Variants in MGAT4C observed in about 807,000 individuals in gnomAD.
The protein encoded by MGAT4C is alpha-1,3-mannosyl-glycoprotein 4-beta-N-acetylglucosaminyltransferase C.
A neutral mutation model predicts 40.1 loss-of-function variants in MGAT4C; 19 were observed. The observed-to-expected ratio is 0.47, with a 90% CI of 0.33 to 0.70. MGAT4C has a LOEUF of 0.70. MGAT4C is among the 30% of genes least tolerant of loss of function. The pLI is 0.02. For synonymous variants in MGAT4C, 181 were observed against 187.1 expected (o/e 0.97, Z 0.27); for missense variants, 491 against 563.2 (o/e 0.87, Z 1.30).
intron 2 of MGAT4C, among the ~76,000 whole-genome samples, chr12:86,640,234 T>C (rs1474312265): frequency 6.6e-6 from 1 of 151,798 alleles, no homozygotes; most frequent in Non-Finnish European, 1.5e-5. Context: ...CTAGGAGGAC[T>C]GTTTTGAATA....
chr12:86,155,097 T>C (rs1040245185), intron 1 of MGAT4C, among the ~76,000 whole-genome samples: 7 of 152,174 alleles, frequency 4.6e-5, no homozygotes, highest in Admixed American at 2.6e-4. Flanking sequence ...TGATCCTGGA[T>C]GTGAGAATTA....
chr12:86,553,637 G>A (rs1959469289), intron 2 of MGAT4C, among the ~76,000 whole-genome samples: 1 of 152,054 alleles, frequency 6.6e-6, no homozygotes, highest in South Asian at 2.1e-4. Context: ...TCTTCCTGAT[G>A]ACACCAGTTT....
chr12:86,272,903 C>CAG (rs1415869493), intron 4 of MGAT4C, among the ~76,000 whole-genome samples: 1 of 152,102 alleles, frequency 6.6e-6, no homozygotes, highest in African/African-American at 2.4e-5. Flanking sequence ...ATTCATTGTA[C>CAG]AGATGGCGGA....
chr12:86,463,151 A>T (rs1167417154), intron 2 of MGAT4C, among the ~76,000 whole-genome samples: 1 of 152,128 alleles, frequency 6.6e-6, no homozygotes, highest in African/African-American at 2.4e-5. Flanking sequence ...GTAGGGATGG[A>T]TAGCTGAGAA....
At chr12:86,774,311 C>CTTTCTTTCTTTCTTTCTTTCTT (rs1951698780) in intron 1 of MGAT4C, among the ~76,000 whole-genome samples, 1 of 40,088 alleles carries the variant, frequency 2.5e-5, no homozygotes, top group Non-Finnish European at 6.5e-5. Context: ...TTCTTTCTTT[C>CTTTCTTTCTTTCTTTCTTTCTT]TTTCTTTCTT....
At chr12:86,496,180 T>C (rs1958231178) in intron 2 of MGAT4C, among the ~76,000 whole-genome samples, 1 of 151,992 alleles carries the variant, frequency 6.6e-6, no homozygotes, top group Admixed American at 6.6e-5. Flanking sequence ...ATGGGACCTA[T>C]AGAGTGATAA....
chr12:86,724,855 C>G (rs1057144054), intron 2 of MGAT4C, among the ~76,000 whole-genome samples: 1 of 152,204 alleles, frequency 6.6e-6, no homozygotes, highest in Non-Finnish European at 1.5e-5. Context: ...TAGTAACCAC[C>G]ATTCTACTCT....
At chr12:86,201,812 T>A (rs960601781) in intron 1 of MGAT4C, among the ~76,000 whole-genome samples, 1 of 152,076 alleles carries the variant, frequency 6.6e-6, no homozygotes, top group African/African-American at 2.4e-5. Context: ...CCATAGACCT[T>A]CTTTACCATT....
chr12:86,377,603 A>G (rs1219877874), intron 3 of MGAT4C, among the ~76,000 whole-genome samples: 2 of 152,202 alleles, frequency 1.3e-5, no homozygotes. Flanking sequence ...ACACTTAAGA[A>G]TATACTTAGA....
rs2136574828 is a variant in MGAT4C at position 86,678,462 on chromosome 12, G to A, written c.-229+48747C>T. On this transcript the variant is annotated intron_variant, in intron 2 of 7. Coordinates refer to the MGAT4C transcript ENST00000548651. ...TTATTATTATACTTTAAGTTTTAGG[G>A]TACATGTGCACAATGTGCAGGTTAG... Among the ~76,000 whole-genome samples the A allele has an allele frequency of 1.3e-5, 2 of 150,666 alleles. 1 individual carries two copies. The highest frequency in any genetic ancestry group is 6.8e-3 in the Middle Eastern group (2 of 294).
At chr12:86,735,146 G>A (rs1235075275) in intron 1 of MGAT4C, among the ~76,000 whole-genome samples, 1 of 151,912 alleles carries the variant, frequency 6.6e-6, no homozygotes, top group African/African-American at 2.4e-5. Flanking sequence ...CTCGCCTAAT[G>A]AGTGCGAGAT....
chr12:86,175,827 C>T (rs868216858), intron 1 of MGAT4C, among the ~76,000 whole-genome samples: 9 of 146,534 alleles, frequency 6.1e-5, no homozygotes, highest in Middle Eastern at 3.4e-3. Flanking sequence ...AAAAATTAGC[C>T]TGGCGTGGTG....
chr12:86,327,734 G>T (rs1463823921), intron 4 of MGAT4C, among the ~76,000 whole-genome samples: 3 of 152,088 alleles, frequency 2.0e-5, no homozygotes, highest in Non-Finnish European at 4.4e-5. Context: ...AATATGCAGA[G>T]AACTGACAGG....
chr12:86,337,331 T>G (rs1014409670), intron 3 of MGAT4C, among the ~76,000 whole-genome samples: 2 of 152,058 alleles, frequency 1.3e-5, no homozygotes, highest in Non-Finnish European at 2.9e-5. Context: ...GCATGGTGGC[T>G]CATGTCTGTA....
intron 2 of MGAT4C, among the ~76,000 whole-genome samples, chr12:86,544,713 G>C (rs543781171): frequency 1.3e-4 from 20 of 152,170 alleles, no homozygotes; most frequent in African/African-American, 4.1e-4. Flanking sequence ...GTGGAACAGG[G>C]AATGGCTTGC....
chr12:86,747,280 G>A (rs948482181), intron 1 of MGAT4C, among the ~76,000 whole-genome samples: 4 of 151,662 alleles, frequency 2.6e-5, no homozygotes, highest in Non-Finnish European at 4.4e-5. Flanking sequence ...CCGTTGAGCC[G>A]TAAGTTGCAT....
chr12:86,388,675 G>GTTTTTT (rs752469980), intron 3 of MGAT4C, among the ~76,000 whole-genome samples: 44 of 98,732 alleles, frequency 4.5e-4, no homozygotes, highest in African/African-American at 1.0e-3. Flanking sequence ...AGCGTTTTTT[G>GTTTTTT]TTTTTTTTTT....
At chr12:86,739,881 T>TAC (rs1355416314) in intron 1 of MGAT4C, among the ~76,000 whole-genome samples, 1 of 150,536 alleles carries the variant, frequency 6.6e-6, no homozygotes, top group African/African-American at 2.4e-5. Context: ...CACATATATA[T>TAC]ACACACACAC....
chr12:86,253,168 GTAAAT>G (rs1177897059), intron 1 of MGAT4C, among the ~76,000 whole-genome samples: 1 of 151,700 alleles, frequency 6.6e-6, no homozygotes, highest in African/African-American at 2.4e-5. Context: ...TACTTTTATA[GTAAAT>G]TAAAGATGAG....
Sources: allele counts gnomAD v4.1 joint callset (sites outside exome capture counted in the v4.1 genomes callset), GRCh38; gene constraint gnomAD v4.1.1; transcripts MANE v1.5; gene names NCBI Gene and HGNC (gene_info 2026-07-23, HGNC 2026-07-21).